The following PHLPP1 variants were observed in gnomAD, a reference collection of about 807,000 sequenced individuals.
PHLPP1 encodes the protein PH domain and leucine rich repeat protein phosphatase 1, also known as PH domain leucine-rich repeat-containing protein phosphatase 1.
In PHLPP1, 42 loss-of-function variants were observed where a neutral mutation model predicts 117.2. The observed-to-expected ratio is 0.36, with a 90% confidence interval of 0.28 to 0.46. The LOEUF (loss-of-function observed/expected upper bound fraction) is 0.46, where lower values mean the gene tolerates loss of function less well. PHLPP1 is among the 20% of genes least tolerant of loss of function. The probability of loss-of-function intolerance (pLI) is 1.00; values close to 1 mark genes in which losing one functional copy is unlikely to be tolerated. For missense variants in PHLPP1, 2,084 were observed against 2,241.9 expected (o/e 0.93, Z 1.42); for synonymous variants, 1,042 against 970.7 (o/e 1.07, Z -1.37).
intron 1 of PHLPP1, among the ~76,000 whole-genome samples, chr18:62,747,795 C>T (rs1599023972): frequency 6.6e-6 from 1 of 152,210 alleles, no homozygotes; most frequent in Admixed American, 6.5e-5. Context: ...GCTGGGATTA[C>T]AGGTGTGAGC....
chr18:62,808,545 CTGTTTTTTTT>C (rs1303659004), intron 1 of PHLPP1, among the ~76,000 whole-genome samples: 2 of 142,848 alleles, frequency 1.4e-5, no homozygotes, highest in Non-Finnish European at 1.6e-5. Context: ...ATTCATCTCT[CTGTTTTTTTT>C]TGTTTTTTTT....
intron 9 of PHLPP1, among the ~76,000 whole-genome samples, chr18:62,915,715 T>C (rs1909248999): frequency 6.6e-6 from 1 of 152,352 alleles, no homozygotes; most frequent in Admixed American, 6.5e-5. Flanking sequence ...TATCCAGTGC[T>C]GTCCTGTAGA....
chr18:62,829,922 A>T, intron 1 of PHLPP1, 113 bp from the exon 2 acceptor site: 1 of 672,836 alleles, frequency 1.5e-6, no homozygotes, highest in Non-Finnish European at 2.4e-6. Context: ...GATTGAATTT[A>T]TAATTTTCCC....
chr18:62,943,652 G>A (rs976137227), intron 11 of PHLPP1, among the ~76,000 whole-genome samples: 2 of 152,136 alleles, frequency 1.3e-5, no homozygotes, highest in Admixed American at 6.5e-5. Context: ...AATGCACAGC[G>A]TGTGAATTCT....
intron 1 of PHLPP1, among the ~76,000 whole-genome samples, chr18:62,757,380 C>CTGA (rs1912061096): frequency 6.6e-6 from 1 of 152,168 alleles, no homozygotes; most frequent in African/African-American, 2.4e-5. Context: ...TAATGTTGTA[C>CTGA]TGATGTCCTT....
chr18:62,895,898 A>C lies in PHLPP1; in HGVS notation c.2331A>C (p.Glu777Asp), dbSNP rs112206318. The change falls in exon 6 of 17, where the codon GAA becomes GAC. Residue 777 changes from glutamate (E) to aspartate (D), a missense_variant. Physicochemically the swap from Glu to Asp is conservative, Grantham distance 45. Around this residue, in one of 2 missense-constraint regions of PHLPP1, gnomAD observed 1,365 missense variants for 1,605.9 expected, o/e 0.85. Transcript: ENST00000262719. ...TCAATGAATTTACTGACATTCCCGA[A>C]GTATTGGAGAAATTGACTGCTGTGG... ...LSFNEFTDIP[E>D]VLEKLTAVDK... 4.5e-3 allele frequency: 7,317 copies of C among 1,613,212 alleles called. 26 individuals are homozygous for C. The highest frequency in any genetic ancestry group is 5.1e-3 in the Middle Eastern group (31 of 6,062).
chr18:62,792,184 A>C (rs1913480224), intron 1 of PHLPP1, among the ~76,000 whole-genome samples: 1 of 152,216 alleles, frequency 6.6e-6, no homozygotes, highest in Admixed American at 6.5e-5. Context: ...TATGATACTG[A>C]CCGAGCTTTA....
chr18:62,781,986 T>C (rs1338224197), intron 1 of PHLPP1, among the ~76,000 whole-genome samples: 1 of 152,218 alleles, frequency 6.6e-6, no homozygotes, highest in Non-Finnish European at 1.5e-5. Flanking sequence ...TTGGTAGCAG[T>C]GTTGGAGGTT....
chr18:62,839,228 A>G (rs186445672), intron 3 of PHLPP1: 156 of 213,038 alleles, frequency 7.3e-4, no homozygotes, highest in African/African-American at 3.4e-3. Flanking sequence ...AGACAACTAT[A>G]AAACCACAAA....
At chr18:62,805,974 CTTTAAAAGTTCTCT>C (rs1383630951) in intron 1 of PHLPP1, among the ~76,000 whole-genome samples, 1 of 151,734 alleles carries the variant, frequency 6.6e-6, no homozygotes, top group Non-Finnish European at 1.5e-5. Flanking sequence ...TTTTAAATGA[CTTTAAAAGTTCTCT>C]TTTAATAGAA....
intron 1 of PHLPP1, among the ~76,000 whole-genome samples, chr18:62,758,459 C>T (rs948962966): frequency 6.6e-6 from 1 of 152,084 alleles, no homozygotes; most frequent in Non-Finnish European, 1.5e-5. Flanking sequence ...CTCCTTACTC[C>T]GTTTCTTTAG....
Position 62,978,504 on chromosome 18 carries a change from C to T in PHLPP1, c.4227C>T (p.Tyr1409=), listed in dbSNP as rs78982021. The part of the protein sequence containing the change: ...AKKLCTLAQS[Y]GCHDSISAVV... The stretch of plus-strand genomic sequence containing the variant: ...AGCTGTGTACCCTGGCCCAGAGCTA[C>T]GGCTGCCACGACAGCATCAGCGCTG... The change falls in exon 17 of 17, where the codon TAC becomes TAT. Residue 1409 remains tyrosine, a synonymous_variant. Coordinates refer to ENST00000262719, the MANE Select transcript of PHLPP1 (RefSeq NM_194449.4). The surrounding 1 kb of genome is among the most constrained non-coding windows in gnomAD (Gnocchi z 7.0). The T allele has an allele frequency of 5.1e-5, 82 of 1,607,548 alleles. No homozygotes were observed. Among genetic ancestry groups the T allele is most frequent in the East Asian group, 1.1e-4 (5 of 44,556 alleles).
chr18:62,786,149 C>T (rs751516076), intron 1 of PHLPP1, among the ~76,000 whole-genome samples: 5 of 152,142 alleles, frequency 3.3e-5, no homozygotes, highest in South Asian at 2.1e-4. Context: ...TTAATATAGG[C>T]GTCTGTGGCT....
At chr18:62,912,509 C>T (rs928056008) in intron 8 of PHLPP1, among the ~76,000 whole-genome samples, 33 of 152,052 alleles carry the variant, frequency 2.2e-4, no homozygotes, top group African/African-American at 7.5e-4. Context: ...CTCCTCCCAC[C>T]CCCCAGCAAC....
At chr18:62,965,603 C>T (rs1453069482) in intron 14 of PHLPP1, among the ~76,000 whole-genome samples, 2 of 151,066 alleles carry the variant, frequency 1.3e-5, no homozygotes, top group African/African-American at 2.4e-5. Context: ...GGGATTACAG[C>T]GCCCACCACC....
intron 7 of PHLPP1, among the ~76,000 whole-genome samples, chr18:62,904,323 C>G (rs1916794545): frequency 6.6e-6 from 1 of 152,112 alleles, no homozygotes; most frequent in Non-Finnish European, 1.5e-5. Context: ...TTGCCCTTAG[C>G]TTAGTAAGCG....
At chr18:62,865,839 C>A (rs141905461) in intron 4 of PHLPP1, among the ~76,000 whole-genome samples, 150 of 152,178 alleles carry the variant, frequency 9.9e-4, no homozygotes, top group African/African-American at 3.4e-3. Context: ...GATGAGAATA[C>A]ATGGACACAT....
intron 1 of PHLPP1, among the ~76,000 whole-genome samples, chr18:62,820,242 T>G (rs1914408245): frequency 6.6e-6 from 1 of 152,178 alleles, no homozygotes; most frequent in South Asian, 2.1e-4. Context: ...GATCCACAAT[T>G]ATAGCAAAAC....
intron 9 of PHLPP1, among the ~76,000 whole-genome samples, chr18:62,919,716 C>A (rs607127): frequency 3.3e-5 from 5 of 152,014 alleles, no homozygotes; most frequent in African/African-American, 1.2e-4. Context: ...CTCTTCAGTG[C>A]GTACATCTAT....
Sources: gnomAD v4.1 joint callset for allele counts (sites outside exome capture counted in the v4.1 genomes callset) on GRCh38, gnomAD v4.1.1 for gene constraint, gnomAD v4.1.1 regional missense constraint, Gnocchi (gnomAD v3.1) non-coding constraint, MANE v1.5 for transcripts, NCBI Gene and HGNC (gene_info 2026-07-23, HGNC 2026-07-21) for gene names.